Variants in NELL2 observed in about 807,000 individuals in gnomAD.
NELL2 encodes the protein neural EGFL like 2.
Under a neutral mutation model 109.6 loss-of-function variants are expected in NELL2, and 41 were observed. The observed-to-expected ratio is 0.37, with a 90% CI of 0.29 to 0.49. The LOEUF is 0.49. Among genes scored for constraint, NELL2 ranks in the 20% least tolerant of loss-of-function variants. The pLI is 0.98. For missense variants in NELL2, 900 were observed against 1,008.3 expected (o/e 0.89, Z 1.45); for synonymous variants, 355 against 344.7 (o/e 1.03, Z -0.33).
intron 9 of NELL2, among the ~76,000 whole-genome samples, chr12:44,743,408 A>G (rs1306124099): frequency 6.6e-6 from 1 of 152,180 alleles, no homozygotes; most frequent in Non-Finnish European, 1.5e-5. Flanking sequence ...GAGCAAAATA[A>G]CCAGCTAACA....
At chr12:44,564,023 A>G (rs1943568840) in intron 15 of NELL2, among the ~76,000 whole-genome samples, 3 of 152,194 alleles carry the variant, frequency 2.0e-5, no homozygotes, top group African/African-American at 7.2e-5. Context: ...CATAAATAGG[A>G]TGATAACACA....
At chr12:44,752,622 TC>T (rs1361933002) in intron 9 of NELL2, among the ~76,000 whole-genome samples, 1 of 152,124 alleles carries the variant, frequency 6.6e-6, no homozygotes, top group African/African-American at 2.4e-5. Flanking sequence ...CCTGAAAAGT[TC>T]CCCAGCACTC....
At chr12:44,528,227 TTTG>T (rs1347617713) in intron 16 of NELL2, among the ~76,000 whole-genome samples, 3 of 151,836 alleles carry the variant, frequency 2.0e-5, no homozygotes, top group Non-Finnish European at 2.9e-5. Flanking sequence ...AGAGTTTTTT[TTTG>T]TTGTTTTTTG....
At chr12:44,709,571 G>A (rs1938079849) in intron 11 of NELL2, among the ~76,000 whole-genome samples, 1 of 152,104 alleles carries the variant, frequency 6.6e-6, no homozygotes, top group African/African-American at 2.4e-5. Flanking sequence ...CAATACTATT[G>A]CTTTAATCCA....
chr12:44,917,324 A>G (rs1945836115), upstream of NELL2, among the ~76,000 whole-genome samples: 1 of 152,246 alleles, frequency 6.6e-6, no homozygotes. Flanking sequence ...GAATTCAGAG[A>G]AACCCAGCCC....
At chr12:44,576,458 T>C (rs1489767579) in intron 15 of NELL2, among the ~76,000 whole-genome samples, 1 of 152,172 alleles carries the variant, frequency 6.6e-6, no homozygotes, top group East Asian at 1.9e-4. Flanking sequence ...TCATGATCAC[T>C]ATCCCCATCA....
chr12:44,686,161 C>T (rs1948708625), intron 12 of NELL2, among the ~76,000 whole-genome samples: 1 of 152,126 alleles, frequency 6.6e-6, no homozygotes, highest in Non-Finnish European at 1.5e-5. Flanking sequence ...TCATTTCATT[C>T]ATTTCATCTT....
At chr12:44,804,315 T>C (rs1287774931) in intron 3 of NELL2, among the ~76,000 whole-genome samples, 1 of 151,962 alleles carries the variant, frequency 6.6e-6, no homozygotes, top group African/African-American at 2.4e-5. Context: ...GAATGACTTT[T>C]ATTCAGCTGT....
chr12:44,669,930 G>C lies in NELL2; in HGVS notation c.1319-4321C>G, dbSNP rs191422854. Among the ~76,000 whole-genome samples the C allele has an allele frequency of 3.9e-5, 6 of 152,222 alleles. 1 individual carries two copies. In the East Asian group the frequency reaches 1.2e-3, roughly 29 times the overall value. On this transcript the variant is annotated intron_variant, in intron 12 of 19. Coordinates refer to ENST00000429094, the MANE Select transcript of NELL2 (RefSeq NM_001145108.2). ...TTCCCAGATAGCTGTAATTCAACAAGGTCTTATTCAAGGCACGTTATAGTA... is the reference window on the plus strand; with the variant it reads ...TTCCCAGATAGCTGTAATTCAACAACGTCTTATTCAAGGCACGTTATAGTA...
intron 16 of NELL2, among the ~76,000 whole-genome samples, chr12:44,526,633 T>G (rs1941786238): frequency 6.6e-6 from 1 of 152,180 alleles, no homozygotes. Context: ...ACATAGTGAT[T>G]TGTTGGCTTT....
At chr12:44,802,806 T>G (rs1217172082) in intron 3 of NELL2, among the ~76,000 whole-genome samples, 1 of 152,056 alleles carries the variant, frequency 6.6e-6, no homozygotes, top group Non-Finnish European at 1.5e-5. Context: ...GTGTCAATTT[T>G]CAATTTTATC....
intron 12 of NELL2, among the ~76,000 whole-genome samples, chr12:44,686,909 C>T (rs1161589545): frequency 1.3e-5 from 2 of 152,212 alleles, no homozygotes; most frequent in Admixed American, 6.5e-5. Context: ...CCTACAGAGG[C>T]AGGCAGGCCT....
chr12:44,645,366 T>C (rs1947056984), intron 13 of NELL2, among the ~76,000 whole-genome samples: 1 of 152,184 alleles, frequency 6.6e-6, no homozygotes, highest in African/African-American at 2.4e-5. Flanking sequence ...GTGACAACAA[T>C]TTGCTGACTT....
intron 1 of NELL2, among the ~76,000 whole-genome samples, chr12:44,895,430 T>C (rs1945581716): frequency 6.6e-6 from 1 of 152,224 alleles, no homozygotes; most frequent in Admixed American, 6.5e-5. Flanking sequence ...TCTATTTATA[T>C]AGTAGATTGT....
intron 2 of NELL2, among the ~76,000 whole-genome samples, chr12:44,818,484 G>A (rs552461885): frequency 6.6e-6 from 1 of 152,274 alleles, no homozygotes; most frequent in African/African-American, 2.4e-5. Flanking sequence ...CAGATCCGCA[G>A]AGAGGTTCAA....
At chr12:44,865,813 T>TA (rs200441241) in intron 2 of NELL2, among the ~76,000 whole-genome samples, 2 of 136,916 alleles carry the variant, frequency 1.5e-5, no homozygotes, top group Middle Eastern at 7.2e-3. Flanking sequence ...TTAAGTATAA[T>TA]AAAAAAAAAA....
chr12:44,779,547 A>G lies in NELL2; in HGVS notation c.606+116T>C, dbSNP rs1186214775. The G allele has an allele frequency of 6.3e-6, 5 of 798,668 alleles. No individual in the cohort carries two copies. The East Asian group carries it at 1.1e-4, about 17-fold the overall frequency. 49.5% of individuals were successfully genotyped at this position (798,668 alleles called of 1,614,324 possible). On this transcript the variant is annotated intron_variant, in intron 5 of 19. Coordinates refer to ENST00000429094, the MANE Select transcript of NELL2 (RefSeq NM_001145108.2). ...GTTTAAAAAAATGAAACAGACACAA[A>G]TTTTCTAATTTACAAATCAAATTAT...
At chr12:44,788,510 G>T (rs1036059599) in intron 3 of NELL2, among the ~76,000 whole-genome samples, 30 of 152,168 alleles carry the variant, frequency 2.0e-4, no homozygotes, top group Non-Finnish European at 4.0e-4. Context: ...AAGGCCCTGG[G>T]AGCTCACTGA....
chr12:44,548,621 GT>G (rs750918692), intron 15 of NELL2, among the ~76,000 whole-genome samples: 1 of 151,046 alleles, frequency 6.6e-6, no homozygotes, highest in Non-Finnish European at 1.5e-5. Context: ...CTAAGCTACC[GT>G]TTTTTTTGGT....
Sources: gnomAD v4.1 joint callset for allele counts (sites outside exome capture counted in the v4.1 genomes callset) on GRCh38, gnomAD v4.1.1 for gene constraint, MANE v1.5 for transcripts, NCBI Gene and HGNC (gene_info 2026-07-23, HGNC 2026-07-21) for gene names.